The following SORCS1 variants were observed in gnomAD, a reference collection of about 807,000 sequenced individuals.
SORCS1 encodes VPS10 domain-containing receptor SorCS1.
SORCS1 carries 60 observed loss-of-function variants against 146.1 expected under a neutral mutation model. The observed-to-expected ratio is 0.41, with a 90% confidence interval of 0.33 to 0.51. The LOEUF is 0.51. Ranked by LOEUF, SORCS1 falls within the 20% of genes least tolerant of loss-of-function variation. SORCS1 has a pLI of 0.21. For synonymous variants in SORCS1, 637 were observed against 584.0 expected (o/e 1.09, Z -1.31); for missense variants, 1,352 against 1,487.6 (o/e 0.91, Z 1.50).
intron 1 of SORCS1, among the ~76,000 whole-genome samples, chr10:107,109,924 C>T (rs905511023): frequency 2.0e-5 from 3 of 152,134 alleles, no homozygotes; most frequent in Non-Finnish European, 4.4e-5. Context: ...TGCCAGATAC[C>T]CTAGGTCATC....
chr10:106,941,857 C>T (rs562836098), intron 2 of SORCS1, among the ~76,000 whole-genome samples: 8 of 152,252 alleles, frequency 5.3e-5, no homozygotes, highest in African/African-American at 1.9e-4. Flanking sequence ...CAGGGACTGC[C>T]GGTTGTGGTT....
intron 2 of SORCS1, among the ~76,000 whole-genome samples, chr10:106,871,194 C>T (rs943102805): frequency 2.0e-5 from 3 of 152,068 alleles, no homozygotes; most frequent in Admixed American, 2.0e-4. Context: ...AAAAAGTCAA[C>T]AAATAACAGA....
At chr10:106,908,121 T>G (rs535490386) in intron 2 of SORCS1, among the ~76,000 whole-genome samples, 1 of 152,168 alleles carries the variant, frequency 6.6e-6, no homozygotes, top group East Asian at 1.9e-4. Flanking sequence ...CTTATATGTA[T>G]GTATTTATAT....
chr10:106,979,017 A>G (rs542926810), intron 1 of SORCS1, among the ~76,000 whole-genome samples: 1 of 152,318 alleles, frequency 6.6e-6, no homozygotes, highest in Non-Finnish European at 1.5e-5. Context: ...GTCTAGAGAC[A>G]TAAGTGGTAG....
intron 1 of SORCS1, among the ~76,000 whole-genome samples, chr10:107,094,157 A>G (rs937721234): frequency 6.6e-6 from 1 of 152,158 alleles, no homozygotes; most frequent in Non-Finnish European, 1.5e-5. Context: ...TTTAATCAAG[A>G]ATATAAGATC....
At chr10:106,741,455 T>G (rs1213438927) in intron 5 of SORCS1, among the ~76,000 whole-genome samples, 1 of 151,930 alleles carries the variant, frequency 6.6e-6, no homozygotes, top group African/African-American at 2.4e-5. Context: ...AAAAATTAGC[T>G]GGCGTGGTGG....
intron 19 of SORCS1, among the ~76,000 whole-genome samples, chr10:106,624,738 A>G (rs1193777154): frequency 2.6e-5 from 4 of 152,260 alleles, no homozygotes; most frequent in Admixed American, 2.6e-4. Context: ...ATGTGTTTGT[A>G]TAAGTTCACG....
intron 5 of SORCS1, among the ~76,000 whole-genome samples, chr10:106,757,899 C>G (rs2136225378): frequency 6.6e-6 from 1 of 152,342 alleles, no homozygotes; most frequent in Admixed American, 6.5e-5. Context: ...CTTACCTTCT[C>G]TATGCCATAG....
intron 2 of SORCS1, among the ~76,000 whole-genome samples, chr10:106,943,827 A>G (rs1954175792): frequency 6.6e-6 from 1 of 152,066 alleles, no homozygotes; most frequent in South Asian, 2.1e-4. Flanking sequence ...TAATTAATTA[A>G]TTAATTGTCT....
chr10:106,946,210 C>G (rs924452166), intron 2 of SORCS1, among the ~76,000 whole-genome samples: 38 of 47,400 alleles, frequency 8.0e-4, no homozygotes, highest in African/African-American at 1.6e-3. Flanking sequence ...ATAACATACT[C>G]TTCAAAGCAA....
chr10:106,909,020 C>A (rs905375448), intron 2 of SORCS1, among the ~76,000 whole-genome samples: 1 of 152,170 alleles, frequency 6.6e-6, no homozygotes, highest in African/African-American at 2.4e-5. Flanking sequence ...TGCCTGTCTT[C>A]CAAGGTCAGC....
intron 1 of SORCS1, among the ~76,000 whole-genome samples, chr10:107,093,575 A>T (rs553683612): frequency 5.9e-4 from 90 of 152,072 alleles, no homozygotes; most frequent in Non-Finnish European, 1.0e-3. Context: ...TGGGAGGCTG[A>T]GACAGGAGAA....
chr10:106,929,381 T>C (rs1457365916), intron 2 of SORCS1, among the ~76,000 whole-genome samples: 1 of 151,978 alleles, frequency 6.6e-6, no homozygotes, highest in Non-Finnish European at 1.5e-5. Flanking sequence ...AGACCTGGGG[T>C]ATCAGAATTA....
intron 2 of SORCS1, among the ~76,000 whole-genome samples, chr10:106,876,399 C>T (rs73374972): frequency 0.026 from 3,956 of 152,102 alleles, 175 homozygotes; most frequent in African/African-American, 0.09. Flanking sequence ...GCAACAATTG[C>T]GATGTGAAAT....
intron 1 of SORCS1, among the ~76,000 whole-genome samples, chr10:107,044,814 T>TA (rs71025575): frequency 0.062 from 5,620 of 90,364 alleles, 351 homozygotes; most frequent in African/African-American, 0.17. Context: ...TGTGTCTCAA[T>TA]AAAAAAAAAA....
intron 23 of SORCS1, 90 bp downstream of exon 23, chr10:106,607,076 C>T: frequency 6.5e-7 from 1 of 1,530,432 alleles, no homozygotes; most frequent in South Asian, 1.3e-5. Flanking sequence ...GTTAGGATCA[C>T]CAGTTTATGG....
intron 1 of SORCS1, among the ~76,000 whole-genome samples, chr10:107,080,277 C>T (rs1033031689): frequency 3.9e-5 from 6 of 152,116 alleles, no homozygotes; most frequent in African/African-American, 9.7e-5. Context: ...GCCAAGCAAG[C>T]GTTTTCTGTT....
chr10:106,576,777 G>C lies in SORCS1; in HGVS notation c.*643C>G. On this transcript the variant is annotated 3_prime_UTR_variant, in exon 26 of 26. Transcript: ENST00000263054. ...GTATGGAAAGTGGAACAGAGAAACAGCTCAGGGTTTCAAACTCCTGTGCAC... is the reference window on the plus strand; with the variant it reads ...GTATGGAAAGTGGAACAGAGAAACACCTCAGGGTTTCAAACTCCTGTGCAC... 6.4e-6 allele frequency: 1 copy of C among 157,436 alleles called. No homozygotes were observed. Among genetic ancestry groups the C allele is most frequent in the South Asian group, 1.9e-4 (1 of 5,208 alleles). 9.8% of individuals were successfully genotyped at this position (157,436 alleles called of 1,614,324 possible). A position where few individuals can be genotyped will look rare whatever the true frequency, so the allele number is the denominator to read the frequency against.
chr10:106,968,000 C>T (rs1242921063), intron 1 of SORCS1, among the ~76,000 whole-genome samples: 1 of 149,672 alleles, frequency 6.7e-6, no homozygotes, highest in Non-Finnish European at 1.5e-5. Context: ...GTCAGGAAAT[C>T]GAGACCATCC....
Sources: allele counts gnomAD v4.1 joint callset (sites outside exome capture counted in the v4.1 genomes callset), GRCh38; gene constraint gnomAD v4.1.1; transcripts MANE v1.5; gene names NCBI Gene and HGNC (gene_info 2026-07-23, HGNC 2026-07-21).